The following SHROOM2 variants were observed in gnomAD, a reference collection of about 807,000 sequenced individuals.
SHROOM2 encodes protein Shroom2.
In SHROOM2, 33 loss-of-function variants were observed where a neutral mutation model predicts 75.9. That is an observed-to-expected ratio of 0.43 (90% CI 0.33 to 0.58). SHROOM2 has a LOEUF of 0.58. SHROOM2 is among the 20% of genes least tolerant of loss of function. The pLI, the probability that SHROOM2 is intolerant of heterozygous loss-of-function variation, is 0.04. For synonymous variants in SHROOM2, 655 were observed against 663.6 expected, an observed-to-expected ratio of 0.99 and a Z score of 0.20; for missense variants, 1,434 against 1,461.2, an observed-to-expected ratio of 0.98 and a Z score of 0.30.
At chrX:9,926,483 G>T (rs140565685) in intron 5 of SHROOM2, among the ~76,000 whole-genome samples, 1 of 111,509 alleles carries the variant, frequency 9.0e-6, no homozygotes, top group Non-Finnish European at 1.9e-5. Flanking sequence ...CAGCTGAGGC[G>T]GGTGTTCTGG....
chrX:9,917,502 T>TTG (rs2084500854), intron 5 of SHROOM2, among the ~76,000 whole-genome samples: 1 of 84,182 alleles, frequency 1.2e-5, no homozygotes, highest in Non-Finnish European at 2.7e-5. Flanking sequence ...ATTGTGGTTC[T>TTG]TTGTTGTTGT....
In SHROOM2 at chrX:9,937,469, A is replaced by G; in HGVS notation, c.3923A>G (p.Glu1308Gly). 8.3e-7 allele frequency: 1 copy of G among 1,211,304 alleles called. No individual in the cohort carries two copies. The highest frequency in any genetic ancestry group is 1.1e-6 in the Non-Finnish European group (1 of 895,417). The change falls in exon 7 of 10, where the codon GAG (glutamate) becomes GGG (glycine). Residue 1308 changes from glutamate (E) to glycine (G), a missense_variant. This residue lies in a region of SHROOM2 where 1,340 missense variants were observed against 1,338.3 expected (regional missense o/e 1.00). Transcript: ENST00000380913. ...GGGCTCAGCTACATGAAGGCCAAAGAGAAGACTGTGGAAGACCTGAAGTCG... is the reference window on the plus strand; with the variant it reads ...GGGCTCAGCTACATGAAGGCCAAAGGGAAGACTGTGGAAGACCTGAAGTCG... Reference protein sequence around the residue: ...PPGLSYMKAKEKTVEDLKSEE... With the variant: ...PPGLSYMKAKGKTVEDLKSEE...
chrX:9,939,700 G>A (rs568653797), intron 8 of SHROOM2, among the ~76,000 whole-genome samples: 32 of 112,046 alleles, frequency 2.9e-4, no homozygotes, highest in Middle Eastern at 9.1e-3. Flanking sequence ...GAGTGCAATG[G>A]TGCAATCATG....
chrX:9,838,856 G>A (rs748131126), intron 1 of SHROOM2, among the ~76,000 whole-genome samples: 3 of 111,558 alleles, frequency 2.7e-5, no homozygotes, highest in Admixed American at 9.6e-5. Context: ...ACATACTGCC[G>A]GATTCCACGT....
Position 9,932,761 on chromosome X carries a change from C to A in SHROOM2, c.3478C>A (p.Arg1160Ser). The part of the protein sequence containing the change: ...ALLPPKQQHL[R>S]LQTATMETSR... ...GCTCCCTCCCAAGCAGCAGCACCTGCGCCTGCAGACGGCCACCATGGAGAC... is the reference window on the plus strand; with the variant it reads ...GCTCCCTCCCAAGCAGCAGCACCTGAGCCTGCAGACGGCCACCATGGAGAC... Residue 1160 changes from arginine to serine, a missense_variant, in exon 6 of 10, where the codon CGC becomes AGC. Transcript: ENST00000380913. 1 of 1,210,346 alleles carries A rather than the reference C, an allele frequency of 8.3e-7. No homozygotes were observed.
chrX:9,853,426 A>G (rs1051250395), intron 1 of SHROOM2, among the ~76,000 whole-genome samples: 19 of 112,564 alleles, frequency 1.7e-4, no homozygotes, highest in Non-Finnish European at 3.0e-4. Context: ...GTGTTGTCTC[A>G]TAGTAAAGAG....
chrX:9,851,011 CCT>C (rs2084036712), intron 1 of SHROOM2, among the ~76,000 whole-genome samples: 1 of 110,602 alleles, frequency 9.0e-6, no homozygotes, highest in Admixed American at 9.6e-5. Flanking sequence ...CTCATCTCTT[CCT>C]CTCTCTTTTT....
intron 1 of SHROOM2, among the ~76,000 whole-genome samples, chrX:9,796,257 T>C (rs1367665346): frequency 9.2e-6 from 1 of 108,671 alleles, no homozygotes; most frequent in Non-Finnish European, 1.9e-5. Flanking sequence ...ACCCCATCTC[T>C]ACAACAAATA....
At chrX:9,812,698 T>C (rs774605302) in intron 1 of SHROOM2, among the ~76,000 whole-genome samples, 1 of 112,356 alleles carries the variant, frequency 8.9e-6, no homozygotes, top group South Asian at 3.7e-4. Flanking sequence ...ACCAGTGTGA[T>C]GTCTTAGGGA....
intron 2 of SHROOM2, among the ~76,000 whole-genome samples, chrX:9,880,330 G>A (rs753790455): frequency 8.0e-5 from 9 of 112,797 alleles, no homozygotes; most frequent in East Asian, 2.8e-4. Flanking sequence ...AGGTCGAGAC[G>A]TCCCCAAAGG....
Position 9,939,244 on chromosome X carries a change from A to G in SHROOM2, c.4189A>G (p.Thr1397Ala), listed in dbSNP as rs1235589077. Residue 1397 changes from threonine to alanine, a missense_variant, in exon 8 of 10, where the codon ACC becomes GCC. Coordinates refer to ENST00000380913, the MANE Select transcript of SHROOM2 (RefSeq NM_001649.4). ...GGCCGTGTCCCTGGCCACCAATTCT[A>G]CCTACTACAGCACGTCGGCCCCCAA... ...PAAVSLATNSTYYSTSAPKAE... is the reference protein window; with the variant it reads ...PAAVSLATNSAYYSTSAPKAE... The G allele has an allele frequency of 2.5e-6, 3 of 1,209,644 alleles. No individual in the cohort carries two copies. In the East Asian group the frequency reaches 8.9e-5, roughly 36 times the overall value.
At chrX:9,810,192 T>G (rs749083113) in intron 1 of SHROOM2, among the ~76,000 whole-genome samples, 1 of 111,292 alleles carries the variant, frequency 9.0e-6, no homozygotes, top group East Asian at 2.8e-4. Flanking sequence ...CTGTATTCCC[T>G]TTGCCTTCAG....
intron 5 of SHROOM2, among the ~76,000 whole-genome samples, chrX:9,903,717 A>AT (rs988484249): frequency 1.8e-5 from 2 of 109,667 alleles, no homozygotes; most frequent in African/African-American, 3.3e-5. Context: ...TAATGTTTGT[A>AT]TTTTTTTTGT....
chrX:9,839,837 T>G (rs2083970255), intron 1 of SHROOM2, among the ~76,000 whole-genome samples: 1 of 112,236 alleles, frequency 8.9e-6, no homozygotes, highest in African/African-American at 3.2e-5. Context: ...GAGAGTGTCC[T>G]GTGAAAGCTA....
intron 2 of SHROOM2, among the ~76,000 whole-genome samples, chrX:9,875,249 T>C (rs1330512864): frequency 9.2e-6 from 1 of 108,471 alleles, no homozygotes; most frequent in Non-Finnish European, 1.9e-5. Context: ...TTCTGAGCCA[T>C]TGGGGAGGGT....
intron 1 of SHROOM2, among the ~76,000 whole-genome samples, chrX:9,820,317 C>G: frequency 9.2e-6 from 1 of 109,057 alleles, no homozygotes; most frequent in East Asian, 2.9e-4. Flanking sequence ...TTCCCACCCT[C>G]TTTGCTCCAG....
intron 5 of SHROOM2, among the ~76,000 whole-genome samples, chrX:9,911,858 G>A (rs1042893982): frequency 9.0e-6 from 1 of 111,013 alleles, no homozygotes; most frequent in African/African-American, 3.3e-5. Flanking sequence ...GTTGAACTGT[G>A]TGTCACATAT....
At chrX:9,861,088 A>T (rs1313311653) in intron 1 of SHROOM2, among the ~76,000 whole-genome samples, 2 of 112,366 alleles carry the variant, frequency 1.8e-5, no homozygotes, top group African/African-American at 6.5e-5. Context: ...CTCTTACACA[A>T]CAATGCGATT....
At chrX:9,914,546 G>C (rs1199132045) in intron 5 of SHROOM2, among the ~76,000 whole-genome samples, 2 of 110,915 alleles carry the variant, frequency 1.8e-5, no homozygotes, top group African/African-American at 3.3e-5. Context: ...GCTTTTCCTA[G>C]AGCAAGTAAG....
Sources: gnomAD v4.1 joint callset for allele counts (sites outside exome capture counted in the v4.1 genomes callset) on GRCh38, gnomAD v4.1.1 for gene constraint, gnomAD v4.1.1 regional missense constraint, MANE v1.5 for transcripts, NCBI Gene and HGNC (gene_info 2026-07-23, HGNC 2026-07-21) for gene names.